Variants in LRMDA observed in about 807,000 individuals in gnomAD.
LRMDA encodes leucine rich melanocyte differentiation associated.
A neutral mutation model predicts 29.8 loss-of-function variants in LRMDA; 18 were observed. That is an observed-to-expected ratio of 0.60 (90% CI 0.42 to 0.90). LRMDA has a LOEUF of 0.90. Ranked by LOEUF, LRMDA falls within the 40% of genes least tolerant of loss-of-function variation. The pLI is 0.00. For synonymous variants in LRMDA, 125 were observed against 109.4 expected, an observed-to-expected ratio of 1.14 and a Z score of -0.89; for missense variants, 273 against 273.9, an observed-to-expected ratio of 1.00 and a Z score of 0.02.
chr10:76,456,944 A>G (rs1406356434), intron 6 of LRMDA, among the ~76,000 whole-genome samples: 3 of 152,168 alleles, frequency 2.0e-5, no homozygotes, highest in African/African-American at 7.2e-5. Flanking sequence ...ACTGAGGTTA[A>G]GTTGAAGATA....
At chr10:76,153,949 G>A (rs969368184) in intron 5 of LRMDA, among the ~76,000 whole-genome samples, 18 of 152,206 alleles carry the variant, frequency 1.2e-4, no homozygotes, top group African/African-American at 4.1e-4. Flanking sequence ...GGACTGTTGT[G>A]TTTAGAAGTC....
chr10:76,334,852 T>G (rs1460038387), intron 6 of LRMDA, among the ~76,000 whole-genome samples: 4 of 152,138 alleles, frequency 2.6e-5, no homozygotes, highest in Non-Finnish European at 5.9e-5. Context: ...CACCAGGGCA[T>G]GTAGGAGATG....
chr10:76,168,499 C>T (rs1850779656), intron 5 of LRMDA, among the ~76,000 whole-genome samples: 1 of 152,218 alleles, frequency 6.6e-6, no homozygotes, highest in South Asian at 2.1e-4. Context: ...TTTGCTCAAA[C>T]AGAAGCATTG....
At chr10:75,832,609 C>T (rs1206823137) in intron 2 of LRMDA, among the ~76,000 whole-genome samples, 2 of 152,140 alleles carry the variant, frequency 1.3e-5, no homozygotes, top group African/African-American at 2.4e-5. Flanking sequence ...ATTCTTGGTA[C>T]CAATTTACTG....
chr10:75,869,653 A>G (rs1186262140), intron 2 of LRMDA, among the ~76,000 whole-genome samples: 8 of 152,208 alleles, frequency 5.3e-5, no homozygotes, highest in Non-Finnish European at 1.0e-4. Flanking sequence ...TTTTCAGCCT[A>G]AACACTTTCT....
rs1843369222 is a variant in LRMDA, at chr10:76,542,485, C to T, written c.602-14724C>T. On this transcript the variant is annotated intron_variant, in intron 6 of 6. Transcript: ENST00000611255. ...TATAACCCCTGGAAAATAACAGCACCCGCACATGCCTGCATCTGTCTAACC... is the reference window on the plus strand; with the variant it reads ...TATAACCCCTGGAAAATAACAGCACTCGCACATGCCTGCATCTGTCTAACC... Among the ~76,000 whole-genome samples the T allele has an allele frequency of 2.0e-5, 3 of 152,258 alleles. No homozygotes were observed. The South Asian group carries it at 6.2e-4, about 32-fold the overall frequency.
intron 6 of LRMDA, among the ~76,000 whole-genome samples, chr10:76,439,470 C>T (rs1842278455): frequency 6.6e-6 from 1 of 152,186 alleles, no homozygotes; most frequent in South Asian, 2.1e-4. Flanking sequence ...CCATTCTCTC[C>T]TTGCACTGCT....
chr10:75,784,531 C>T (rs906450402), intron 2 of LRMDA, among the ~76,000 whole-genome samples: 3 of 151,846 alleles, frequency 2.0e-5, no homozygotes, highest in African/African-American at 7.3e-5. Context: ...AACCCTGTCT[C>T]TACTAAAAAT....
At chr10:76,273,996 A>T (rs1161624747) in intron 5 of LRMDA, among the ~76,000 whole-genome samples, 1 of 152,046 alleles carries the variant, frequency 6.6e-6, no homozygotes, top group Non-Finnish European at 1.5e-5. Flanking sequence ...ACTTTTTTTT[A>T]GACAAAGCAG....
intron 2 of LRMDA, among the ~76,000 whole-genome samples, chr10:75,545,678 C>T (rs1840072100): frequency 6.6e-6 from 1 of 152,094 alleles, no homozygotes; most frequent in Admixed American, 6.6e-5. Flanking sequence ...GGAGATTACC[C>T]AAAATGATGA....
intron 2 of LRMDA, among the ~76,000 whole-genome samples, chr10:75,528,521 GGGTT>G (rs1845439922): frequency 6.6e-6 from 1 of 152,186 alleles, no homozygotes; most frequent in Non-Finnish European, 1.5e-5. Flanking sequence ...CCTGAAGCAG[GGGTT>G]GAGAAGACAT....
intron 6 of LRMDA, among the ~76,000 whole-genome samples, chr10:76,376,575 A>G (rs1270854712): frequency 6.6e-6 from 1 of 152,102 alleles, no homozygotes; most frequent in Non-Finnish European, 1.5e-5. Context: ...TCCTTTGGGT[A>G]GATATGCAGG....
rs545320561 is a variant in LRMDA at position 76,323,315 on chromosome 10, TC to T, written c.517-1084del. ...GTCTAATCTCCTACTTAGTTTTGAT[TC>T]CTATAATATAGGTAATCTCTTTGGA... On this transcript the variant is annotated intron_variant, in intron 5 of 6. Transcript: ENST00000611255. 6.6e-4 allele frequency among the ~76,000 whole-genome samples: 101 copies of T among 152,298 alleles called. 1 individual carries two copies. In the Middle Eastern group the frequency reaches 0.01, roughly 15 times the overall value.
intron 5 of LRMDA, among the ~76,000 whole-genome samples, chr10:76,256,657 AATCT>A (rs1486034217): frequency 6.6e-6 from 1 of 152,224 alleles, no homozygotes; most frequent in African/African-American, 2.4e-5. Flanking sequence ...AAAAGCTGTC[AATCT>A]AAGTTCTAAG....
chr10:75,936,136 T>C (rs2132405083), intron 2 of LRMDA, among the ~76,000 whole-genome samples: 1 of 152,254 alleles, frequency 6.6e-6, no homozygotes, highest in African/African-American at 2.4e-5. Context: ...ACCCGGTACA[T>C]TGAGTCCTAC....
rs183349049 is a variant in LRMDA at position 76,286,490 on chromosome 10, A to G, written c.517-37911A>G. Among the ~76,000 whole-genome samples the G allele has an allele frequency of 8.6e-4, 131 of 152,328 alleles. 1 individual carries two copies. The highest frequency in any genetic ancestry group is 3.6e-4 in the African/African-American group (15 of 41,578). On this transcript the variant is annotated intron_variant, in intron 5 of 6. Coordinates refer to ENST00000611255, the MANE Select transcript of LRMDA (RefSeq NM_001305581.2). The stretch of plus-strand genomic sequence containing the variant: ...AGAGGTACGAATATTTTGTCACTGT[A>G]TCTTAGCAGCTCTGCTGAGTGACCA...
At chr10:76,535,062 A>G (rs1843276064) in intron 6 of LRMDA, among the ~76,000 whole-genome samples, 1 of 152,236 alleles carries the variant, frequency 6.6e-6, no homozygotes, top group Non-Finnish European at 1.5e-5. Flanking sequence ...AGCCTTGCAT[A>G]TCCTCACACA....
At chr10:75,542,762 T>C (rs1361692656) in intron 2 of LRMDA, among the ~76,000 whole-genome samples, 1 of 152,140 alleles carries the variant, frequency 6.6e-6, no homozygotes, top group Non-Finnish European at 1.5e-5. Flanking sequence ...GCCAGCGTCA[T>C]GTCATATGGG....
At chr10:75,483,826 AT>A (rs894101199) in intron 2 of LRMDA, among the ~76,000 whole-genome samples, 8 of 99,906 alleles carry the variant, frequency 8.0e-5, no homozygotes, top group South Asian at 3.0e-4. Flanking sequence ...TATGCTTCTC[AT>A]TTTTTTTCCT....
Sources: gnomAD v4.1 joint callset for allele counts (sites outside exome capture counted in the v4.1 genomes callset) on GRCh38, gnomAD v4.1.1 for gene constraint, MANE v1.5 for transcripts, NCBI Gene and HGNC (gene_info 2026-07-23, HGNC 2026-07-21) for gene names.